The following GPM6B variants were observed in gnomAD, a reference collection of about 807,000 sequenced individuals.
The protein encoded by GPM6B is glycoprotein M6B.
A neutral mutation model predicts 27.2 loss-of-function variants in GPM6B; 4 were observed. The observed-to-expected ratio is 0.15, with a 90% CI of 0.07 to 0.34. The LOEUF (loss-of-function observed/expected upper bound fraction) is 0.34. Ranked by LOEUF, GPM6B falls within the 10% of genes least tolerant of loss-of-function variation. GPM6B has a pLI of 1.00. For synonymous variants in GPM6B, 124 were observed against 103.1 expected (o/e 1.20, Z -1.23); for missense variants, 183 against 261.9 (o/e 0.70, Z 2.08).
chrX:13,808,823 C>T (rs938347428), intron 1 of GPM6B, among the ~76,000 whole-genome samples: 11 of 111,573 alleles, frequency 9.9e-5, no homozygotes, highest in African/African-American at 3.6e-4. Flanking sequence ...TTATAAAATC[C>T]CAACTCCACT....
chrX:13,874,984 A>C (rs781649240), intron 1 of GPM6B, among the ~76,000 whole-genome samples: 18 of 101,904 alleles, frequency 1.8e-4, no homozygotes, highest in Non-Finnish European at 3.3e-4. Flanking sequence ...GCCTGTTTGA[A>C]TCTTCTGACA....
At position 13,804,111 on chromosome X, in the gene GPM6B, T is replaced by C. The variant is rs558622916; in HGVS notation, c.181+3539A>G. On this transcript the variant is annotated intron_variant, in intron 2 of 7. Transcript: ENST00000316715. ...GCATAGGAACTACCTGGAAGTCTTA[T>C]GAAAATGCAGATTCTGATTCAGTGG... Among the ~76,000 whole-genome samples the C allele has an allele frequency of 5.4e-5, 6 of 111,679 alleles. No individual in the cohort carries two copies. The South Asian group carries it at 1.9e-3, about 35-fold the overall frequency.
At chrX:13,794,179 TCTC>T (rs2048765518) in intron 2 of GPM6B, among the ~76,000 whole-genome samples, 2 of 106,899 alleles carry the variant, frequency 1.9e-5, no homozygotes, top group African/African-American at 7.0e-5. Context: ...GTTCTCTCTC[TCTC>T]TCTCTTTTTT....
chrX:13,884,540 T>C (rs1480684439), intron 1 of GPM6B, among the ~76,000 whole-genome samples: 3 of 112,311 alleles, frequency 2.7e-5, no homozygotes, highest in South Asian at 7.5e-4. Flanking sequence ...AAACCATTGT[T>C]CTGAAATAAA....
chrX:13,792,933 C>G (rs772622907), intron 2 of GPM6B, among the ~76,000 whole-genome samples: 19 of 107,389 alleles, frequency 1.8e-4, no homozygotes, highest in Non-Finnish European at 3.1e-4. Context: ...AAGCACCCCC[C>G]ACCCCACCCC....
Position 13,890,312 on chromosome X carries a change from G to A in GPM6B, c.-198+48015C>T, listed in dbSNP as rs745592564. 1.2e-4 allele frequency among the ~76,000 whole-genome samples: 13 copies of A among 111,801 alleles called. No homozygotes were observed. In the South Asian group the frequency reaches 4.9e-3, roughly 42 times the overall value. ...TACCCTATATGGTCTAGAAAGGGGA[G>A]GCATGAATAATCCACTCCTTGTTTA... On this transcript the variant is annotated intron_variant, in intron 1 of 6. Transcript: ENST00000398361.
At chrX:13,794,327 G>A (rs748927111) in intron 2 of GPM6B, among the ~76,000 whole-genome samples, 1 of 111,061 alleles carries the variant, frequency 9.0e-6, no homozygotes, top group East Asian at 2.8e-4. Context: ...TGGGACTACA[G>A]GAAAACTTTA....
chrX:13,863,182 C>T (rs1370408536), intron 1 of GPM6B, among the ~76,000 whole-genome samples: 1 of 111,668 alleles, frequency 9.0e-6, no homozygotes, highest in Non-Finnish European at 1.9e-5. Flanking sequence ...TTACATATTC[C>T]ATAAATAATT....
At chrX:13,853,298 A>T (rs2889001) in intron 1 of GPM6B, among the ~76,000 whole-genome samples, 1 of 109,554 alleles carries the variant, frequency 9.1e-6, no homozygotes, top group Admixed American at 9.8e-5. Flanking sequence ...CAAGGATACA[A>T]GGATCATAAA....
At chrX:13,816,260 A>G (rs2049232662) in intron 1 of GPM6B, among the ~76,000 whole-genome samples, 1 of 110,897 alleles carries the variant, frequency 9.0e-6, no homozygotes, top group Admixed American at 9.6e-5. Context: ...TTAGCAGAAG[A>G]TCCCCCGCCC....
intron 2 of GPM6B, among the ~76,000 whole-genome samples, chrX:13,805,670 C>G (rs747163406): frequency 8.9e-6 from 1 of 112,542 alleles, no homozygotes; most frequent in East Asian, 2.8e-4. Flanking sequence ...TTACAGGGAA[C>G]TGCTCAACAA....
chrX:13,932,871 T>TCAAGG (rs1397549787), intron 1 of GPM6B, among the ~76,000 whole-genome samples: 1 of 111,101 alleles, frequency 9.0e-6, no homozygotes, highest in Admixed American at 9.6e-5. Context: ...GAAAAAAAGC[T>TCAAGG]CAAGGCAAAA....
chrX:13,814,096 G>A (rs1046018072), intron 1 of GPM6B, among the ~76,000 whole-genome samples: 1 of 112,307 alleles, frequency 8.9e-6, no homozygotes, highest in Non-Finnish European at 1.9e-5. Context: ...TCTCTTTGTA[G>A]GAGTTAGTGA....
intron 1 of GPM6B, among the ~76,000 whole-genome samples, chrX:13,849,994 G>A (rs1322314654): frequency 8.9e-6 from 1 of 111,855 alleles, no homozygotes; most frequent in Non-Finnish European, 1.9e-5. Flanking sequence ...ACAAAGGAGA[G>A]GCTGCAGTGA....
At chrX:13,900,971 GGA>G (rs1252385815) in intron 1 of GPM6B, among the ~76,000 whole-genome samples, 1 of 112,013 alleles carries the variant, frequency 8.9e-6, no homozygotes, top group African/African-American at 3.2e-5. Context: ...CTTACAGAGA[GGA>G]GGCTATATGC....
intron 1 of GPM6B, among the ~76,000 whole-genome samples, chrX:13,936,030 T>TG (rs1921821209): frequency 8.9e-6 from 1 of 111,754 alleles, no homozygotes; most frequent in Non-Finnish European, 1.9e-5. Context: ...TGCCAGGGGC[T>TG]GGGGGGAGAA....
intron 1 of GPM6B, among the ~76,000 whole-genome samples, chrX:13,862,065 G>A (rs1338723292): frequency 9.0e-6 from 1 of 111,034 alleles, no homozygotes; most frequent in Non-Finnish European, 1.9e-5. Context: ...ATGTGCGTGG[G>A]TGGGGGTGCA....
intron 1 of GPM6B, among the ~76,000 whole-genome samples, chrX:13,839,371 T>C (rs2049544416): frequency 1.8e-5 from 2 of 111,943 alleles, no homozygotes; most frequent in Admixed American, 1.9e-4. Flanking sequence ...ACCTAAAATG[T>C]TTAAAATCAA....
chrX:13,816,487 A>G (rs961336730), intron 1 of GPM6B, among the ~76,000 whole-genome samples: 2 of 111,878 alleles, frequency 1.8e-5, no homozygotes, highest in African/African-American at 6.5e-5. Flanking sequence ...ATTAGCAGAA[A>G]ACTACACATT....
Sources: gnomAD v4.1 joint callset for allele counts (sites outside exome capture counted in the v4.1 genomes callset) on GRCh38, gnomAD v4.1.1 for gene constraint, MANE v1.5 for transcripts, NCBI Gene and HGNC (gene_info 2026-07-23, HGNC 2026-07-21) for gene names.